DLG2: variants seen among roughly 807,000 people sequenced by gnomAD.
DLG2 encodes the protein discs large MAGUK scaffold protein 2.
In DLG2, 45 loss-of-function variants were observed where a neutral mutation model predicts 132.5. That is an observed-to-expected ratio of 0.34 (90% CI 0.27 to 0.44). The LOEUF (loss-of-function observed/expected upper bound fraction) is 0.44, where lower values mean the gene tolerates loss of function less well. Among genes scored for constraint, DLG2 ranks in the 20% least tolerant of loss-of-function variants. The pLI is 1.00. For synonymous variants in DLG2, 424 were observed against 419.6 expected, an observed-to-expected ratio of 1.01 and a Z score of -0.13; for missense variants, 1,045 against 1,196.9, an observed-to-expected ratio of 0.87 and a Z score of 1.87.
chr11:84,756,008 G>T (rs578262451), intron 6 of DLG2, among the ~76,000 whole-genome samples: 1 of 152,068 alleles, frequency 6.6e-6, no homozygotes, highest in Non-Finnish European at 1.5e-5. Flanking sequence ...TTGCAAAAAG[G>T]TTATAAAATT....
intron 6 of DLG2, among the ~76,000 whole-genome samples, chr11:84,818,943 T>C (rs191001991): frequency 6.6e-6 from 1 of 152,016 alleles, no homozygotes; most frequent in East Asian, 1.9e-4. Flanking sequence ...ATTATCATCA[T>C]TGCTGAGATC....
intron 6 of DLG2, among the ~76,000 whole-genome samples, chr11:85,090,363 C>T (rs1003390837): frequency 6.6e-6 from 1 of 152,160 alleles, no homozygotes; most frequent in Non-Finnish European, 1.5e-5. Context: ...AATGATATTT[C>T]CAACATTTGA....
intron 3 of DLG2, among the ~76,000 whole-genome samples, chr11:85,437,393 C>A (rs2091546855): frequency 6.6e-6 from 1 of 151,770 alleles, no homozygotes; most frequent in African/African-American, 2.4e-5. Context: ...CATACATTGA[C>A]TGCCAAAAAG....
intron 3 of DLG2, among the ~76,000 whole-genome samples, chr11:85,550,593 AG>A (rs1274332235): frequency 6.6e-6 from 1 of 152,250 alleles, no homozygotes; most frequent in East Asian, 1.9e-4. Context: ...TGAGAGCGGC[AG>A]GCTGAGTAAA....
intron 6 of DLG2, among the ~76,000 whole-genome samples, chr11:84,728,827 A>G (rs1461793836): frequency 6.6e-6 from 1 of 152,122 alleles, no homozygotes; most frequent in Non-Finnish European, 1.5e-5. Flanking sequence ...GTGAGGGTGC[A>G]TGTGTCCAGG....
intron 8 of DLG2, among the ~76,000 whole-genome samples, chr11:84,250,221 A>T (rs2040607506): frequency 1.3e-5 from 2 of 152,206 alleles, no homozygotes; most frequent in Non-Finnish European, 2.9e-5. Flanking sequence ...AGTGGATTCC[A>T]AGTGGCAGTT....
chr11:85,014,661 A>G (rs1400924880), intron 6 of DLG2, among the ~76,000 whole-genome samples: 1 of 152,162 alleles, frequency 6.6e-6, no homozygotes, highest in Non-Finnish European at 1.5e-5. Context: ...CTCCAGAAGA[A>G]GAGAACTGGT....
At chr11:84,016,425 A>AT (rs1172636770) in intron 11 of DLG2, among the ~76,000 whole-genome samples, 3 of 151,972 alleles carry the variant, frequency 2.0e-5, no homozygotes, top group Non-Finnish European at 4.4e-5. Flanking sequence ...ATGTTTCCTC[A>AT]TGCCTATGTC....
chr11:83,472,320 G>T (rs1054913001), intron 23 of DLG2, among the ~76,000 whole-genome samples: 2 of 152,102 alleles, frequency 1.3e-5, no homozygotes, highest in African/African-American at 4.8e-5. Context: ...ATGCCTCCAG[G>T]AAAAAGCAGC....
At chr11:84,650,881 A>ACATATATATATACATATATAC (rs1555136012) in intron 6 of DLG2, among the ~76,000 whole-genome samples, 8 of 125,720 alleles carry the variant, frequency 6.4e-5, no homozygotes, top group South Asian at 2.4e-4. Context: ...GTGTATATAT[A>ACATATATATATACATATATAC]TATATATATA....
At chr11:84,843,910 T>C (rs1433751630) in intron 6 of DLG2, among the ~76,000 whole-genome samples, 3 of 151,298 alleles carry the variant, frequency 2.0e-5, no homozygotes, top group Non-Finnish European at 3.0e-5. Flanking sequence ...ATAATATTTG[T>C]ATGTGTGTAT....
intron 8 of DLG2, among the ~76,000 whole-genome samples, chr11:84,226,619 T>G (rs944576706): frequency 5.3e-5 from 8 of 152,180 alleles, no homozygotes; most frequent in Non-Finnish European, 1.2e-4. Context: ...AGAAAGTAAT[T>G]AGGTTCAAGA....
At chr11:84,163,856 G>GT (rs1566772410) in intron 8 of DLG2, among the ~76,000 whole-genome samples, 2 of 152,042 alleles carry the variant, frequency 1.3e-5, no homozygotes, top group African/African-American at 4.8e-5. Flanking sequence ...TAATTTTCTT[G>GT]TTTTTTAAAA....
chr11:84,542,536 T>TA, intron 6 of DLG2, among the ~76,000 whole-genome samples: 1 of 152,256 alleles, frequency 6.6e-6, no homozygotes, highest in African/African-American at 2.4e-5. Context: ...GCTACATACA[T>TA]AGTGTGTGTC....
chr11:85,091,399 G>A (rs1324637740), intron 6 of DLG2, among the ~76,000 whole-genome samples: 3 of 152,194 alleles, frequency 2.0e-5, no homozygotes, highest in Non-Finnish European at 4.4e-5. Context: ...GCTGCTGATT[G>A]ATCAGGATGG....
chr11:83,940,707 C>G (rs974182476), intron 14 of DLG2, among the ~76,000 whole-genome samples: 9 of 152,150 alleles, frequency 5.9e-5, no homozygotes, highest in Non-Finnish European at 1.0e-4. Flanking sequence ...GAGAATAGGA[C>G]AGAGGAAACA....
intron 9 of DLG2, among the ~76,000 whole-genome samples, chr11:84,143,217 G>A (rs967446379): frequency 3.9e-5 from 6 of 152,138 alleles, no homozygotes; most frequent in African/African-American, 1.4e-4. Context: ...AACACATGAT[G>A]AGAAGAAAGC....
intron 15 of DLG2, among the ~76,000 whole-genome samples, chr11:83,902,409 C>A (rs1384596432): frequency 2.0e-5 from 3 of 152,144 alleles, no homozygotes; most frequent in Admixed American, 6.5e-5. Context: ...ACAAAAGTAG[C>A]ATCAAGAACA....
intron 14 of DLG2, among the ~76,000 whole-genome samples, chr11:83,952,619 C>T (rs1344952924): frequency 6.6e-6 from 1 of 152,128 alleles, no homozygotes; most frequent in East Asian, 1.9e-4. Flanking sequence ...GGCTATTATA[C>T]AGCTACTAAA....
Sources: allele counts gnomAD v4.1 joint callset (sites outside exome capture counted in the v4.1 genomes callset), GRCh38; gene constraint gnomAD v4.1.1; transcripts MANE v1.5; gene names NCBI Gene and HGNC (gene_info 2026-07-23, HGNC 2026-07-21).